The following NRXN3 variants were observed in gnomAD, a reference collection of about 807,000 sequenced individuals.
The protein encoded by NRXN3 is neurexin III.
NRXN3 carries 32 observed loss-of-function variants against 137.6 expected under a neutral mutation model. That is an observed-to-expected ratio of 0.23 (90% confidence interval 0.18 to 0.31). The LOEUF (loss-of-function observed/expected upper bound fraction) is 0.31. NRXN3 is among the 10% of genes least tolerant of loss of function. The probability of loss-of-function intolerance (pLI) is 1.00; values close to 1 mark genes in which losing one functional copy is unlikely to be tolerated. For synonymous variants in NRXN3, 798 were observed against 784.5 expected (o/e 1.02, Z -0.29); for missense variants, 1,574 against 2,062.5 (o/e 0.76, Z 4.59).
intron 16 of NRXN3, among the ~76,000 whole-genome samples, chr14:79,499,599 C>T (rs1352725008): frequency 6.6e-6 from 1 of 152,170 alleles, no homozygotes; most frequent in East Asian, 1.9e-4. Flanking sequence ...GCTATAACTT[C>T]AGTATCCAAA....
chr14:79,299,738 G>T (rs2084818804), intron 15 of NRXN3, among the ~76,000 whole-genome samples: 1 of 152,076 alleles, frequency 6.6e-6, no homozygotes, highest in South Asian at 2.1e-4. Flanking sequence ...TCTTGGGTGT[G>T]ACAGACAATT....
chr14:78,199,639 C>T (rs746571216), intron 1 of NRXN3, among the ~76,000 whole-genome samples: 2 of 152,178 alleles, frequency 1.3e-5, no homozygotes, highest in Non-Finnish European at 2.9e-5. Context: ...CCATGCCAAG[C>T]TCTCAATGAA....
intron 4 of NRXN3, among the ~76,000 whole-genome samples, chr14:78,337,979 G>A (rs2081667270): frequency 6.6e-6 from 1 of 152,170 alleles, no homozygotes; most frequent in Non-Finnish European, 1.5e-5. Context: ...CCAGTGGGAA[G>A]GTGGGCTGGA....
At chr14:79,358,603 G>GAA (rs1227282327) in intron 15 of NRXN3, among the ~76,000 whole-genome samples, 5 of 87,036 alleles carry the variant, frequency 5.7e-5, no homozygotes, top group Non-Finnish European at 9.4e-5. Context: ...AAGAAAGAAA[G>GAA]AAAGAGAAAG....
chr14:79,724,675 C>A (rs1044652709), intron 19 of NRXN3, among the ~76,000 whole-genome samples: 22 of 152,086 alleles, frequency 1.4e-4, no homozygotes, highest in African/African-American at 5.1e-4. Flanking sequence ...ATTTTCCAAG[C>A]ATTTTGGAGA....
intron 4 of NRXN3, among the ~76,000 whole-genome samples, chr14:78,314,484 T>C (rs1341902987): frequency 6.6e-6 from 1 of 152,176 alleles, no homozygotes; most frequent in Non-Finnish European, 1.5e-5. Flanking sequence ...TGGAGCCTTG[T>C]CCTTCTTTGC....
At chr14:78,430,088 AT>A (rs1489257441) in intron 4 of NRXN3, among the ~76,000 whole-genome samples, 1 of 152,146 alleles carries the variant, frequency 6.6e-6, no homozygotes, top group African/African-American at 2.4e-5. Flanking sequence ...GTTTAAAAAA[AT>A]TAGCTGGGTA....
intron 1 of NRXN3, among the ~76,000 whole-genome samples, chr14:78,209,779 G>A (rs2062566110): frequency 6.6e-6 from 1 of 152,200 alleles, no homozygotes; most frequent in Non-Finnish European, 1.5e-5. Flanking sequence ...ACCATATCAT[G>A]TACCTTGCTG....
chr14:78,513,281 T>A (rs1163346562), intron 4 of NRXN3, among the ~76,000 whole-genome samples: 2 of 152,232 alleles, frequency 1.3e-5, no homozygotes, highest in African/African-American at 4.8e-5. Flanking sequence ...CGATAGGTAC[T>A]TATTAGATGT....
chr14:79,634,864 T>G (rs977150770), intron 16 of NRXN3, among the ~76,000 whole-genome samples: 2 of 152,206 alleles, frequency 1.3e-5, no homozygotes, highest in Non-Finnish European at 2.9e-5. Flanking sequence ...TACACTACTC[T>G]GTAATTCTAA....
chr14:79,448,521 A>C (rs936000341), intron 15 of NRXN3, among the ~76,000 whole-genome samples: 1 of 152,224 alleles, frequency 6.6e-6, no homozygotes, highest in Non-Finnish European at 1.5e-5. Context: ...AGCATAATAA[A>C]TATTTGTGAA....
intron 8 of NRXN3, among the ~76,000 whole-genome samples, chr14:78,778,380 A>G (rs2098751670): frequency 6.6e-6 from 1 of 152,234 alleles, no homozygotes; most frequent in African/African-American, 2.4e-5. Flanking sequence ...ACCTTAAAAA[A>G]GGATATCAGA....
chr14:78,478,122 T>G (rs1236651030), intron 4 of NRXN3, among the ~76,000 whole-genome samples: 1 of 152,072 alleles, frequency 6.6e-6, no homozygotes, highest in African/African-American at 2.4e-5. Context: ...TTCTGGAAAA[T>G]AGGTATCATG....
At chr14:79,240,671 T>C (rs1426182022) in intron 15 of NRXN3, among the ~76,000 whole-genome samples, 1 of 152,178 alleles carries the variant, frequency 6.6e-6, no homozygotes, top group Non-Finnish European at 1.5e-5. Flanking sequence ...TTTATGTGCT[T>C]GTCTTTGTGC....
intron 16 of NRXN3, among the ~76,000 whole-genome samples, chr14:79,574,733 C>T (rs549652920): frequency 3.0e-4 from 46 of 151,854 alleles, no homozygotes; most frequent in Admixed American, 2.6e-4. Context: ...AAGCGAGTCA[C>T]GATGTTTGGC....
At chr14:78,700,215 G>T (rs933153782) in intron 6 of NRXN3, among the ~76,000 whole-genome samples, 1 of 152,134 alleles carries the variant, frequency 6.6e-6, no homozygotes, top group African/African-American at 2.4e-5. Context: ...ATTTACATGG[G>T]ATTTTGTTTC....
intron 1 of NRXN3, among the ~76,000 whole-genome samples, chr14:78,209,475 A>G (rs1447855005): frequency 1.3e-5 from 2 of 152,204 alleles, no homozygotes; most frequent in Non-Finnish European, 2.9e-5. Flanking sequence ...TTATAAAGAA[A>G]AGAATTTTAA....
chr14:78,326,522 G>A (rs1182630364), intron 4 of NRXN3, among the ~76,000 whole-genome samples: 2 of 152,122 alleles, frequency 1.3e-5, no homozygotes, highest in African/African-American at 2.4e-5. Flanking sequence ...AGGGAGTCAC[G>A]CATGTGATTG....
intron 6 of NRXN3, among the ~76,000 whole-genome samples, chr14:78,661,244 A>G (rs1321083824): frequency 2.0e-5 from 3 of 152,252 alleles, no homozygotes; most frequent in Non-Finnish European, 4.4e-5. Context: ...GAGCACTAAG[A>G]AAAAGCTATA....
Sources: gnomAD v4.1 joint callset for allele counts (sites outside exome capture counted in the v4.1 genomes callset) on GRCh38, gnomAD v4.1.1 for gene constraint, MANE v1.5 for transcripts, NCBI Gene and HGNC (gene_info 2026-07-23, HGNC 2026-07-21) for gene names.